The following SH3TC1 variants were observed in gnomAD, a reference collection of about 807,000 sequenced individuals.
SH3TC1 encodes the protein SH3 domain and tetratricopeptide repeat-containing protein 1.
In SH3TC1, 135 loss-of-function variants were observed where a neutral mutation model predicts 117.3. That is an observed-to-expected ratio of 1.15 (90% confidence interval 1.00 to 1.33). SH3TC1 has a LOEUF of 1.33. Ranked by LOEUF, SH3TC1 falls within the 40% of genes most tolerant of loss-of-function variation. The pLI is 0.00. For missense variants in SH3TC1, 2,092 were observed against 1,794.3 expected, an observed-to-expected ratio of 1.17 and a Z score of -3.00; for synonymous variants, 898 against 816.9, an observed-to-expected ratio of 1.10 and a Z score of -1.69.
rs1717457147 is a variant in SH3TC1 at position 8,192,836 on chromosome 4, T to A, written c.-57+10626T>A. On this transcript the variant is annotated intron_variant, in intron 1 of 16. Transcript: ENST00000508641. The surrounding 1 kb of genome is among the most constrained non-coding windows in gnomAD (Gnocchi z 4.1). ...CCTTCTCTTCTGCTCCGAGTTTAGG[T>A]TCATGTCGCCACCTGGTGATTGGCT... Among the ~76,000 whole-genome samples, 1 of 152,168 alleles carries A rather than the reference T, an allele frequency of 6.6e-6. No individual in the cohort carries two copies. The highest frequency in any genetic ancestry group is 2.4e-5 in the African/African-American group (1 of 41,432).
chr4:8,210,709 G>C lies in SH3TC1; in HGVS notation c.247+887G>C, dbSNP rs1041870498. ...ACCCAGGAGGCAGAGGTAGTGAGCC[G>C]AGATTGCGCCATTGCACTCCAGCCT... On this transcript the variant is annotated intron_variant, in intron 3 of 17. Coordinates refer to ENST00000245105, the MANE Select transcript of SH3TC1 (RefSeq NM_018986.5). The surrounding 1 kb of genome is among the most constrained non-coding windows in gnomAD (Gnocchi z 4.1). Among the ~76,000 whole-genome samples, 1 of 132,056 alleles carries C rather than the reference G, an allele frequency of 7.6e-6. No individual in the cohort carries two copies. Among genetic ancestry groups the C allele is most frequent in the Non-Finnish European group, 1.6e-5 (1 of 64,086 alleles). The allele number at this position is 132,056 out of a possible 152,430, so 86.6% of individuals were successfully genotyped here.
At chr4:8,223,975 C>T (rs549085551) in intron 10 of SH3TC1, among the ~76,000 whole-genome samples, 1 of 152,322 alleles carries the variant, frequency 6.6e-6, no homozygotes, top group African/African-American at 2.4e-5. Flanking sequence ...CATGTACAAA[C>T]ACAGACATAA....
chr4:8,218,498 A>C (rs560359933), intron 8 of SH3TC1, 151 bp downstream of exon 8: 15 of 561,624 alleles, frequency 2.7e-5, no homozygotes, highest in African/African-American at 1.7e-4. Flanking sequence ...TATTGCTTTC[A>C]ATGGCAAAAA....
At chr4:8,191,114 T>C (rs1271546904) in intron 1 of SH3TC1, among the ~76,000 whole-genome samples, 1 of 152,148 alleles carries the variant, frequency 6.6e-6, no homozygotes, top group East Asian at 1.9e-4. Context: ...AAATCTCCTC[T>C]GGGGAAACAG....
At position 8,228,285 on chromosome 4, in the gene SH3TC1, T is replaced by C; in HGVS notation, c.2591T>C (p.Val864Ala). ...AVVASEDQEGVIANMVAVALK... is the reference protein window; with the variant it reads ...AVVASEDQEGAIANMVAVALK... ...GTGGCCAGCGAGGACCAGGAGGGCGTGATTGCCAACATGGTGGCCGTGGCT... is the reference window on the plus strand; with the variant it reads ...GTGGCCAGCGAGGACCAGGAGGGCGCGATTGCCAACATGGTGGCCGTGGCT... The change falls in exon 12 of 18, where the codon GTG becomes GCG. Residue 864 changes from valine (V) to alanine (A), a missense_variant. Transcript: ENST00000245105. 3 of 1,612,314 alleles carry C rather than the reference T, an allele frequency of 1.9e-6. No homozygotes were observed. The highest frequency in any genetic ancestry group is 2.5e-6 in the Non-Finnish European group (3 of 1,179,862).
In SH3TC1 at chr4:8,227,690, C is replaced by T. The variant is rs201573665; in HGVS notation, c.1996C>T (p.Arg666Trp). 4.3e-5 allele frequency: 67 copies of T among 1,553,412 alleles called. No homozygotes were observed. Among genetic ancestry groups the T allele is most frequent in the Middle Eastern group, 1.7e-4 (1 of 5,752 alleles). Residue 666 changes from arginine to tryptophan, a missense_variant, in exon 12 of 18, where the codon CGG becomes TGG. By Grantham distance (101) the Arg-to-Trp change is moderately radical. Coordinates refer to ENST00000245105, the MANE Select transcript of SH3TC1 (RefSeq NM_018986.5). ...VGGQSLQAEA[R>W]ACFLLARHHV... ...TGGCCAGAGCCTGCAGGCCGAGGCCCGGGCCTGCTTCCTGCTGGCCAGGCA... is the reference window on the plus strand; with the variant it reads ...TGGCCAGAGCCTGCAGGCCGAGGCCTGGGCCTGCTTCCTGCTGGCCAGGCA...
chr4:8,216,019 T>C, intron 5 of SH3TC1, 92 bp from the exon 6 acceptor site: 1 of 1,488,180 alleles, frequency 6.7e-7, no homozygotes, highest in Non-Finnish European at 9.1e-7. Context: ...ACCTGGTCAG[T>C]GCAGGGCTCA....
chr4:8,208,564 A>C (rs2152981139), intron 2 of SH3TC1, among the ~76,000 whole-genome samples: 1 of 152,020 alleles, frequency 6.6e-6, no homozygotes, highest in South Asian at 2.1e-4. Flanking sequence ...GATGGGGTTT[A>C]CCATGTTGAA....
At chr4:8,235,366 T>C in intron 14 of SH3TC1, 67 bp from the exon 15 acceptor site, 1 of 1,400,826 alleles carries the variant, frequency 7.1e-7, no homozygotes, top group Non-Finnish European at 9.4e-7. Context: ...GGCGGGGGAG[T>C]CCGACCTGGG....
chr4:8,218,338 C>T lies in SH3TC1; in HGVS notation c.907C>T (p.Pro303Ser). Residue 303 changes from proline to serine, a missense_variant, in exon 8 of 18, where the codon CCG (proline) becomes TCG (serine). Pro to Ser is a moderately conservative substitution (Grantham distance 74). Coordinates refer to ENST00000245105, the MANE Select transcript of SH3TC1 (RefSeq NM_018986.5). ...AMGGPVMPGN[P>S]LMAVGLASAL... Reference sequence around the variant, plus strand: ...GGGTGGCCCTGTGATGCCCGGCAACCCGCTGATGGGTAAGTGTTTCCATGG... The same window carrying T: ...GGGTGGCCCTGTGATGCCCGGCAACTCGCTGATGGGTAAGTGTTTCCATGG... 2 of 1,610,836 alleles carry T rather than the reference C, an allele frequency of 1.2e-6. No homozygotes were observed. The highest frequency in any genetic ancestry group is 1.7e-6 in the Non-Finnish European group (2 of 1,177,438).
intron 17 of SH3TC1, among the ~76,000 whole-genome samples, chr4:8,240,134 G>A (rs907436340): frequency 5.9e-5 from 9 of 152,182 alleles, no homozygotes. Context: ...AGGAGGTCTG[G>A]GAAGTGGCAT....
At position 8,235,591 on chromosome 4, in the gene SH3TC1, A is replaced by AG. The variant is rs533008310; in HGVS notation, c.3405+43dup. On this transcript the variant is annotated intron_variant, in intron 15 of 17. Coordinates refer to ENST00000245105, the MANE Select transcript of SH3TC1 (RefSeq NM_018986.5). The stretch of plus-strand genomic sequence containing the variant: ...CTGTGGGCTGATGTGGGTGGGCCCC[A>AG]GGGGGGGCACCTTGAGGGCTGAGGC... 3.8e-4 allele frequency: 586 copies of AG among 1,532,914 alleles called. 2 individuals carry two copies. In the South Asian group the frequency reaches 5.4e-3, roughly 14 times the overall value. 95.0% of individuals were successfully genotyped at this position (1,532,914 alleles called of 1,614,324 possible). A position where few individuals can be genotyped will look rare whatever the true frequency, so the allele number is the denominator to read the frequency against.
At chr4:8,208,189 CA>C (rs983739556) in intron 2 of SH3TC1, among the ~76,000 whole-genome samples, 1 of 152,210 alleles carries the variant, frequency 6.6e-6, no homozygotes, top group African/African-American at 2.4e-5. Flanking sequence ...CTTCTTCAGA[CA>C]GGGAGTGAAT....
chr4:8,211,855 C>A (rs958491567), intron 3 of SH3TC1, among the ~76,000 whole-genome samples: 1 of 152,076 alleles, frequency 6.6e-6, no homozygotes, highest in South Asian at 2.1e-4. Flanking sequence ...CCCACCCCTG[C>A]GGAAGATTCC....
At chr4:8,191,473 C>T (rs1452601624) in intron 1 of SH3TC1, among the ~76,000 whole-genome samples, 1 of 152,228 alleles carries the variant, frequency 6.6e-6, no homozygotes, top group African/African-American at 2.4e-5. Flanking sequence ...TTCCTGAAAT[C>T]ATGGGGCCTA....
chr4:8,188,891 CA>C (rs1717319972), intron 1 of SH3TC1, among the ~76,000 whole-genome samples: 1 of 152,228 alleles, frequency 6.6e-6, no homozygotes, highest in Non-Finnish European at 1.5e-5. Flanking sequence ...TCCGGTGTCC[CA>C]GGGGGAGGTG....
chr4:8,198,655 G>T (rs937510934), upstream of SH3TC1, among the ~76,000 whole-genome samples: 8 of 152,206 alleles, frequency 5.3e-5, no homozygotes, highest in African/African-American at 1.9e-4. Context: ...ACGGTGGGAG[G>T]GTAAAGAGGT....
chr4:8,233,723 C>G (rs1721475327), intron 14 of SH3TC1, among the ~76,000 whole-genome samples: 1 of 149,602 alleles, frequency 6.7e-6, no homozygotes, highest in Non-Finnish European at 1.5e-5. Flanking sequence ...CTTCCATTAT[C>G]CATCCATTCA....
At chr4:8,185,152 A>G (rs768567521) in intron 1 of SH3TC1, among the ~76,000 whole-genome samples, 2 of 151,892 alleles carry the variant, frequency 1.3e-5, no homozygotes, top group Non-Finnish European at 2.9e-5. Flanking sequence ...TCTGACCAAC[A>G]TGATCAAACC....
Sources: allele counts gnomAD v4.1 joint callset (sites outside exome capture counted in the v4.1 genomes callset), GRCh38; gene constraint gnomAD v4.1.1; non-coding constraint Gnocchi (gnomAD v3.1); transcripts MANE v1.5; gene names NCBI Gene and HGNC (gene_info 2026-07-23, HGNC 2026-07-21).